MLLT3: variants seen among roughly 807,000 people sequenced by gnomAD.
MLLT3 encodes MLLT3 super elongation complex subunit, also known as protein AF-9.
A neutral mutation model predicts 53.2 loss-of-function variants in MLLT3; 4 were observed. That is an observed-to-expected ratio of 0.08 (90% confidence interval 0.04 to 0.17). The LOEUF is 0.17. Ranked by LOEUF, MLLT3 falls within the 10% of genes least tolerant of loss-of-function variation. MLLT3 has a pLI of 1.00. For missense variants in MLLT3, 569 were observed against 684.0 expected (o/e 0.83, Z 1.87); for synonymous variants, 283 against 230.6 (o/e 1.23, Z -2.06).
chr9:20,397,132 C>G (rs2118735188), intron 5 of MLLT3, among the ~76,000 whole-genome samples: 1 of 152,238 alleles, frequency 6.6e-6, no homozygotes, highest in East Asian at 1.9e-4. Flanking sequence ...ACTTGTATAG[C>G]TGTTAGAACG....
intron 2 of MLLT3, among the ~76,000 whole-genome samples, chr9:20,511,146 G>C (rs1000607948): frequency 6.6e-6 from 1 of 151,938 alleles, no homozygotes; most frequent in Non-Finnish European, 1.5e-5. Context: ...ATGTCTATTA[G>C]AGCCTAATAC....
chr9:20,620,363 C>G lies in MLLT3; in HGVS notation c.193+291G>C, dbSNP rs1820964510. 6.6e-6 allele frequency among the ~76,000 whole-genome samples: 1 copy of G among 152,008 alleles called. No homozygotes were observed. The highest frequency in any genetic ancestry group is 1.5e-5 in the Non-Finnish European group (1 of 67,968). On this transcript the variant is annotated intron_variant, in intron 2 of 10. Coordinates refer to ENST00000380338, the MANE Select transcript of MLLT3 (RefSeq NM_004529.4). This position sits in a 1 kb window ranked among gnomAD's most constrained non-coding sequence, Gnocchi z 6.1. Reference sequence around the variant, plus strand: ...AAACTCAACAACTAATTGCACCTTCCCCACAGAACCCGCGGCTAACCCCAG... The same window carrying G: ...AAACTCAACAACTAATTGCACCTTCGCCACAGAACCCGCGGCTAACCCCAG...
At chr9:20,466,697 G>A (rs953422235) in intron 2 of MLLT3, among the ~76,000 whole-genome samples, 5 of 152,196 alleles carry the variant, frequency 3.3e-5, no homozygotes, top group African/African-American at 1.2e-4. Context: ...TAATTGCATA[G>A]TATCTCTCAT....
intron 2 of MLLT3, among the ~76,000 whole-genome samples, chr9:20,521,123 G>A (rs1818046430): frequency 6.6e-6 from 1 of 151,386 alleles, no homozygotes; most frequent in Admixed American, 6.6e-5. Context: ...CCAAGCTGGA[G>A]CACAATGGGC....
intron 2 of MLLT3, among the ~76,000 whole-genome samples, chr9:20,563,400 G>A (rs980889281): frequency 1.4e-4 from 21 of 151,826 alleles, no homozygotes; most frequent in African/African-American, 4.6e-4. Flanking sequence ...GGTAGGGAGG[G>A]GTGTCATATA....
chr9:20,619,236 C>A (rs971201690), intron 2 of MLLT3, among the ~76,000 whole-genome samples: 1 of 152,192 alleles, frequency 6.6e-6, no homozygotes, highest in African/African-American at 2.4e-5. Flanking sequence ...ATAGGCCATG[C>A]ATATTTCTAG....
intron 2 of MLLT3, among the ~76,000 whole-genome samples, chr9:20,488,328 C>T (rs2118917385): frequency 6.6e-6 from 1 of 152,100 alleles, no homozygotes; most frequent in South Asian, 2.1e-4. Flanking sequence ...TGACACTGAA[C>T]TGTACACTTA....
At chr9:20,459,079 T>C (rs747817956) in intron 2 of MLLT3, among the ~76,000 whole-genome samples, 2 of 152,108 alleles carry the variant, frequency 1.3e-5, no homozygotes, top group Non-Finnish European at 2.9e-5. Context: ...GCCATCGACA[T>C]ACAAGGAGAC....
chr9:20,464,182 GA>G (rs76244513), intron 2 of MLLT3, among the ~76,000 whole-genome samples: 38 of 131,742 alleles, frequency 2.9e-4, no homozygotes, highest in Middle Eastern at 3.8e-3. Context: ...TTTTTATTTA[GA>G]AAAAAAAAAA....
intron 2 of MLLT3, among the ~76,000 whole-genome samples, chr9:20,589,239 G>A (rs1359303933): frequency 4.6e-5 from 7 of 151,986 alleles, no homozygotes; most frequent in African/African-American, 1.7e-4. Flanking sequence ...TATACACCAT[G>A]GAATACTATG....
intron 2 of MLLT3, among the ~76,000 whole-genome samples, chr9:20,491,018 A>T (rs1285553494): frequency 6.6e-6 from 1 of 152,180 alleles, no homozygotes; most frequent in Non-Finnish European, 1.5e-5. Flanking sequence ...CATTTTAAAG[A>T]TCAGAAAACT....
chr9:20,432,185 T>C (rs2118817150), intron 4 of MLLT3, among the ~76,000 whole-genome samples: 1 of 152,316 alleles, frequency 6.6e-6, no homozygotes, highest in Non-Finnish European at 1.5e-5. Context: ...AAACACAGTG[T>C]CTCATTTAAT....
chr9:20,442,535 A>G (rs1341969217), intron 4 of MLLT3, among the ~76,000 whole-genome samples: 2 of 152,194 alleles, frequency 1.3e-5, no homozygotes, highest in Non-Finnish European at 2.9e-5. Flanking sequence ...TGATCCATAC[A>G]GTTGAGAAAT....
chr9:20,395,403 G>A (rs1822297754), intron 5 of MLLT3, among the ~76,000 whole-genome samples: 1 of 152,118 alleles, frequency 6.6e-6, no homozygotes, highest in Non-Finnish European at 1.5e-5. Flanking sequence ...CAAGACCACA[G>A]GAGTTTTCAA....
At chr9:20,474,681 G>A (rs761331245) in intron 2 of MLLT3, among the ~76,000 whole-genome samples, 43 of 151,778 alleles carry the variant, frequency 2.8e-4, no homozygotes, top group Non-Finnish European at 4.0e-4. Context: ...TTTGACCAAC[G>A]AGGGGAAAAA....
intron 2 of MLLT3, among the ~76,000 whole-genome samples, chr9:20,579,879 T>C (rs1409987950): frequency 6.6e-6 from 1 of 152,156 alleles, no homozygotes; most frequent in Non-Finnish European, 1.5e-5. Flanking sequence ...TTTTGTTTTC[T>C]CTAGGGGGAG....
chr9:20,472,968 G>C (rs531394243), intron 2 of MLLT3, among the ~76,000 whole-genome samples: 2 of 150,776 alleles, frequency 1.3e-5, no homozygotes, highest in South Asian at 2.1e-4. Flanking sequence ...ATTACACCTA[G>C]AACAGTGGTC....
At chr9:20,601,716 C>CT (rs5896906) in intron 2 of MLLT3, among the ~76,000 whole-genome samples, 63,195 of 151,952 alleles carry the variant, frequency 0.42, 13,709 homozygotes, top group Middle Eastern at 0.5. Context: ...TAAACCCTTT[C>CT]TTTTTTTGTT....
intron 2 of MLLT3, among the ~76,000 whole-genome samples, chr9:20,555,273 C>T (rs112228349): frequency 1.1e-3 from 163 of 152,268 alleles, no homozygotes; most frequent in African/African-American, 3.8e-3. Context: ...AACACAGTTT[C>T]CTCTGTAAGT....
Sources: gnomAD v4.1 joint callset for allele counts (sites outside exome capture counted in the v4.1 genomes callset) on GRCh38, gnomAD v4.1.1 for gene constraint, Gnocchi (gnomAD v3.1) non-coding constraint, MANE v1.5 for transcripts, NCBI Gene and HGNC (gene_info 2026-07-23, HGNC 2026-07-21) for gene names.